The following YEATS4 variants were observed in gnomAD, a reference collection of about 807,000 sequenced individuals.
The protein encoded by YEATS4 is YEATS domain containing 4.
In YEATS4, 17 loss-of-function variants were observed where a neutral mutation model predicts 30.1. That is an observed-to-expected ratio of 0.56 (90% CI 0.39 to 0.85). YEATS4 has a LOEUF of 0.85. Ranked by LOEUF, YEATS4 falls within the 40% of genes least tolerant of loss-of-function variation. The pLI, the probability that YEATS4 is intolerant of heterozygous loss-of-function variation, is 0.00. For missense variants in YEATS4, 142 were observed against 268.3 expected, an observed-to-expected ratio of 0.53 and a Z score of 3.29; for synonymous variants, 85 against 87.5, an observed-to-expected ratio of 0.97 and a Z score of 0.16.
downstream of YEATS4, among the ~76,000 whole-genome samples, chr12:69,394,354 A>G (rs576114764): frequency 6.6e-6 from 1 of 152,346 alleles, no homozygotes; most frequent in South Asian, 2.1e-4. Flanking sequence ...TAAAAGAATT[A>G]TTATGAATCA....
chr12:69,383,906 A>G (rs1489249432), intron 6 of YEATS4, among the ~76,000 whole-genome samples: 2 of 152,230 alleles, frequency 1.3e-5, no homozygotes, highest in Non-Finnish European at 2.9e-5. Flanking sequence ...GAAATAAACT[A>G]GTATATTTGT....
intron 1 of YEATS4, 129 bp downstream of exon 1, chr12:69,360,152 T>A (rs1226542869): frequency 5.5e-6 from 6 of 1,083,360 alleles, no homozygotes; most frequent in Non-Finnish European, 7.7e-6. Context: ...TGGTTTCAGG[T>A]TGGAGAGCGA....
At chr12:69,369,858 T>C (rs17106488) in intron 4 of YEATS4, among the ~76,000 whole-genome samples, 3,719 of 152,286 alleles carry the variant, frequency 0.024, 144 homozygotes, top group African/African-American at 0.084. Flanking sequence ...TGCTGAGCCA[T>C]GTCCAGGGAA....
intron 1 of YEATS4, among the ~76,000 whole-genome samples, chr12:69,360,301 C>A (rs1329581815): frequency 1.3e-5 from 2 of 152,094 alleles, no homozygotes; most frequent in Non-Finnish European, 2.9e-5. Context: ...AGGAAACGGG[C>A]GACTCCGAGG....
At chr12:69,411,837 G>T in the YEATS4 span, among the ~76,000 whole-genome samples, 1 of 152,202 alleles carries the variant, frequency 6.6e-6, no homozygotes, top group Non-Finnish European at 1.5e-5. Context: ...GTACCCCAGG[G>T]GCCAATGTGG....
the YEATS4 span, among the ~76,000 whole-genome samples, chr12:69,403,780 C>A: frequency 6.6e-6 from 1 of 152,128 alleles, no homozygotes; most frequent in African/African-American, 2.4e-5. Flanking sequence ...CACTTTGATA[C>A]CCAAATTATC....
chr12:69,365,992 A>T (rs1474941280), intron 4 of YEATS4, 108 bp downstream of exon 4: 2 of 835,962 alleles, frequency 2.4e-6, no homozygotes, highest in Non-Finnish European at 3.5e-6. Context: ...ATGTAAATTT[A>T]TGGCACAGTG....
the YEATS4 span, among the ~76,000 whole-genome samples, chr12:69,422,500 G>T: frequency 3.3e-5 from 5 of 151,732 alleles, no homozygotes; most frequent in African/African-American, 4.8e-5. Flanking sequence ...CTGTGGTGGC[G>T]CATGCCTATA....
intron 6 of YEATS4, among the ~76,000 whole-genome samples, chr12:69,388,043 T>A (rs948239219): frequency 1.0e-5 from 1 of 96,514 alleles, no homozygotes; most frequent in Non-Finnish European, 2.3e-5. Flanking sequence ...TCATTGAATT[T>A]TTTTATTTTT....
the YEATS4 span, among the ~76,000 whole-genome samples, chr12:69,419,251 C>T: frequency 2.8e-5 from 4 of 140,638 alleles, no homozygotes; most frequent in Admixed American, 2.2e-4. Flanking sequence ...GACATGGTCT[C>T]ACTCTGTTGC....
At chr12:69,373,660 TG>T (rs1397381504) in intron 6 of YEATS4, among the ~76,000 whole-genome samples, 3 of 152,250 alleles carry the variant, frequency 2.0e-5, no homozygotes, top group Non-Finnish European at 4.4e-5. Context: ...TTGCCTTGGT[TG>T]CCTGTGTTTA....
the YEATS4 span, among the ~76,000 whole-genome samples, chr12:69,403,531 C>T: frequency 2.0e-5 from 3 of 148,784 alleles, no homozygotes; most frequent in Admixed American, 6.8e-5. Context: ...GAGCCAAAAT[C>T]GTGCCACTGC....
chr12:69,409,885 C>G, the YEATS4 span, among the ~76,000 whole-genome samples: 2 of 151,980 alleles, frequency 1.3e-5, no homozygotes, highest in Non-Finnish European at 2.9e-5. Flanking sequence ...TGAACACAGC[C>G]ACATACAGGA....
At chr12:69,419,781 C>T in the YEATS4 span, among the ~76,000 whole-genome samples, 2 of 152,160 alleles carry the variant, frequency 1.3e-5, no homozygotes, top group Admixed American at 1.3e-4. Context: ...AAATACAATG[C>T]AAGAATGTGT....
intron 6 of YEATS4, among the ~76,000 whole-genome samples, chr12:69,388,244 T>G (rs930636575): frequency 3.3e-5 from 5 of 152,142 alleles, no homozygotes; most frequent in African/African-American, 1.2e-4. Flanking sequence ...GTATTTTTAG[T>G]AGAGACAGGG....
chr12:69,405,440 T>A, the YEATS4 span, among the ~76,000 whole-genome samples: 2 of 152,148 alleles, frequency 1.3e-5, no homozygotes, highest in Non-Finnish European at 2.9e-5. Flanking sequence ...GACCTCAGCG[T>A]ACAGTTTTTT....
At chr12:69,384,526 T>C (rs1876200126) in intron 6 of YEATS4, among the ~76,000 whole-genome samples, 1 of 152,208 alleles carries the variant, frequency 6.6e-6, no homozygotes, top group Non-Finnish European at 1.5e-5. Flanking sequence ...GTTGGCATAA[T>C]TGGTAAGCTT....
At chr12:69,425,742 C>A in the YEATS4 span, among the ~76,000 whole-genome samples, 2 of 152,132 alleles carry the variant, frequency 1.3e-5, no homozygotes, top group Non-Finnish European at 2.9e-5. Flanking sequence ...TGCAAAGGAG[C>A]CCACACGTTA....
the YEATS4 span, among the ~76,000 whole-genome samples, chr12:69,425,663 G>A: frequency 6.6e-6 from 1 of 152,176 alleles, no homozygotes; most frequent in African/African-American, 2.4e-5. Context: ...GCCTGGAGGG[G>A]TCTTTGCCTG....
Sources: allele counts gnomAD v4.1 joint callset (sites outside exome capture counted in the v4.1 genomes callset), GRCh38; gene constraint gnomAD v4.1.1; transcripts MANE v1.5; gene names NCBI Gene and HGNC (gene_info 2026-07-23, HGNC 2026-07-21).